Variants in PDCD11 observed in about 807,000 individuals in gnomAD.
The protein encoded by PDCD11 is programmed cell death 11.
PDCD11 carries 97 observed loss-of-function variants against 198.9 expected under a neutral mutation model. That is an observed-to-expected ratio of 0.49 (90% CI 0.41 to 0.58). The LOEUF is 0.58. Ranked by LOEUF, PDCD11 falls within the 20% of genes least tolerant of loss-of-function variation. PDCD11 has a pLI of 0.00. For missense variants in PDCD11, 2,102 were observed against 2,312.7 expected, an observed-to-expected ratio of 0.91 and a Z score of 1.87; for synonymous variants, 893 against 918.0, an observed-to-expected ratio of 0.97 and a Z score of 0.49.
chr10:103,437,727 A>G (rs999035624), intron 25 of PDCD11, among the ~76,000 whole-genome samples: 1 of 151,938 alleles, frequency 6.6e-6, no homozygotes, highest in African/African-American at 2.4e-5. Flanking sequence ...TGACCTTGTG[A>G]TCCGCCTACC....
intron 2 of PDCD11, 24 bp downstream of exon 2, chr10:103,398,552 A>G: frequency 6.9e-7 from 1 of 1,446,044 alleles, no homozygotes; most frequent in Non-Finnish European, 9.7e-7. Flanking sequence ...TTGTTTGGTG[A>G]CACTCACTGG....
At chr10:103,437,135 C>T (rs2032184487) in intron 25 of PDCD11, among the ~76,000 whole-genome samples, 1 of 152,114 alleles carries the variant, frequency 6.6e-6, no homozygotes, top group Admixed American at 6.5e-5. Flanking sequence ...TTTTCTTCTT[C>T]CCTCTCTCCC....
intron 34 of PDCD11, 111 bp downstream of exon 34, chr10:103,444,179 T>TGA: frequency 1.2e-6 from 1 of 863,250 alleles, no homozygotes; most frequent in Non-Finnish European, 1.8e-6. Context: ...AGGGCTTTCC[T>TGA]CTTGCTGCCT....
At chr10:103,403,732 G>A (rs2030262903) in intron 4 of PDCD11, among the ~76,000 whole-genome samples, 1 of 152,090 alleles carries the variant, frequency 6.6e-6, no homozygotes. Flanking sequence ...GATTGAAGAG[G>A]CATGAGAAGT....
chr10:103,407,493 G>T (rs973226231), intron 7 of PDCD11, among the ~76,000 whole-genome samples: 8 of 152,062 alleles, frequency 5.3e-5, no homozygotes, highest in Admixed American at 4.6e-4. Flanking sequence ...AACCCAGGAG[G>T]TGGAGCTTGC....
chr10:103,402,488 G>T (rs1033279006), intron 3 of PDCD11, among the ~76,000 whole-genome samples: 9 of 151,970 alleles, frequency 5.9e-5, no homozygotes, highest in African/African-American at 2.2e-4. Flanking sequence ...GCCCAGGCTG[G>T]AGTGCAGTGG....
chr10:103,441,464 G>A (rs899561764), intron 30 of PDCD11, among the ~76,000 whole-genome samples: 9 of 151,984 alleles, frequency 5.9e-5, no homozygotes, highest in African/African-American at 1.7e-4. Flanking sequence ...CATGTTGGCC[G>A]GGCTGGTCTC....
intron 17 of PDCD11, 101 bp downstream of exon 17, chr10:103,421,668 GA>G (rs1248473350): frequency 7.6e-5 from 78 of 1,027,488 alleles, no homozygotes; most frequent in Non-Finnish European, 9.8e-5. Flanking sequence ...CAGAACATAA[GA>G]AAAAAAAATT....
Position 103,441,860 on chromosome 10 carries a change from TGCA to T in PDCD11, c.4595_4597del (p.Gln1532del). On this transcript the variant is annotated inframe_deletion, in exon 31 of 36. Transcript: ENST00000369797. ...ACCAAGCCAGCAGAAGCGCCCCGGCTGCAGCTGTCTTCAGGCTTCGCTTGGAAT... is the reference window on the plus strand; with the variant it reads ...ACCAAGCCAGCAGAAGCGCCCCGGCTGCTGTCTTCAGGCTTCGCTTGGAAT... 1 of 1,614,202 alleles carries T rather than the reference TGCA, an allele frequency of 6.2e-7. No individual in the cohort carries two copies. Among genetic ancestry groups the T allele is most frequent in the South Asian group, 1.1e-5 (1 of 91,084 alleles).
At chr10:103,423,695 C>G in intron 19 of PDCD11, 37 bp downstream of exon 19, 1 of 1,343,064 alleles carries the variant, frequency 7.4e-7, no homozygotes, top group Non-Finnish European at 1.1e-6. Flanking sequence ...CATGGTTTCA[C>G]ATGATGTACC....
At position 103,425,540 on chromosome 10, in the gene PDCD11, GGGGT is replaced by G. The variant is rs1414156296; in HGVS notation, c.3305+19_3305+22del. Reference sequence around the variant, plus strand: ...AAGACATTCAAGTATGGAGGCTCTGGGGGTGGGCTGGCTTCGAGGGAGATTGTTG... The same window carrying G: ...AAGACATTCAAGTATGGAGGCTCTGGGGGCTGGCTTCGAGGGAGATTGTTG... On this transcript the variant is annotated intron_variant, in intron 20 of 35. Coordinates refer to ENST00000369797, the MANE Select transcript of PDCD11 (RefSeq NM_014976.2). 6.3e-7 allele frequency: 1 copy of G among 1,591,678 alleles called. No individual in the cohort carries two copies. Among genetic ancestry groups the G allele is most frequent in the African/African-American group, 1.3e-5 (1 of 74,528 alleles).
chr10:103,433,335 A>T (rs980936684), intron 22 of PDCD11, among the ~76,000 whole-genome samples: 1 of 152,098 alleles, frequency 6.6e-6, no homozygotes, highest in African/African-American at 2.4e-5. Context: ...TCTCTACTAA[A>T]AATACAAAAA....
Position 103,441,851 on chromosome 10 carries a change from C to T in PDCD11, c.4583C>T (p.Ala1528Val), listed in dbSNP as rs775950426. The change falls in exon 31 of 36, where the codon GCG becomes GTG. Residue 1528 changes from alanine to valine, a missense_variant. Transcript: ENST00000369797. ...GAGAAGCAAACCAAGCCAGCAGAAG[C>T]GCCCCGGCTGCAGCTGTCTTCAGGC... Reference protein sequence around the residue: ...PKEKQTKPAEAPRLQLSSGFA... With the variant: ...PKEKQTKPAEVPRLQLSSGFA... 56 of 1,614,014 alleles carry T rather than the reference C, an allele frequency of 3.5e-5. No homozygotes were observed. The highest frequency in any genetic ancestry group is 2.7e-4 in the Admixed American group (16 of 60,006).
chr10:103,426,532 G>A (rs994058378), intron 20 of PDCD11, among the ~76,000 whole-genome samples: 3 of 152,036 alleles, frequency 2.0e-5, no homozygotes, highest in South Asian at 2.1e-4. Flanking sequence ...GGTGGCTCAC[G>A]CCTGTAATTC....
At chr10:103,422,923 AG>A (rs1364589374) in intron 17 of PDCD11, 64 bp from the exon 18 acceptor site, 1 of 1,350,486 alleles carries the variant, frequency 7.4e-7, no homozygotes, top group African/African-American at 1.5e-5. Flanking sequence ...GCACACTGCC[AG>A]AGGAAAAGAA....
chr10:103,443,137 G>A (rs1021991625), intron 32 of PDCD11, 28 bp from the exon 33 acceptor site: 13 of 1,541,296 alleles, frequency 8.4e-6, no homozygotes, highest in Admixed American at 1.9e-5. Flanking sequence ...TTCATGTGGC[G>A]CTCATGTGCT....
rs181216166 is a variant in PDCD11 at position 103,440,589 on chromosome 10, C to T, written c.4440+8C>T. 612 of 1,609,334 alleles carry T rather than the reference C, an allele frequency of 3.8e-4. 2 individuals carry two copies. In the African/African-American group the frequency reaches 7.4e-3, roughly 19 times the overall value. ...GAGTCTGGGAGTGAGCAGGTGAGGT[C>T]CTGCGGAGGGCTGTGGCTGCCTATC... On this transcript the variant is annotated splice_region_variant and intron_variant, in intron 29 of 35. Transcript: ENST00000369797.
At chr10:103,434,461 G>T (rs954902351) in intron 24 of PDCD11, 111 bp downstream of exon 24, 1 of 736,322 alleles carries the variant, frequency 1.4e-6, no homozygotes, top group Non-Finnish European at 2.3e-6. Flanking sequence ...GGAATCCTCA[G>T]AAAGCCTGGT....
rs1218344786 is a variant in PDCD11 at position 103,443,296 on chromosome 10, A to C, written c.5087A>C (p.His1696Pro). The C allele has an allele frequency of 2.5e-6, 4 of 1,611,936 alleles. No individual in the cohort carries two copies. The Admixed American group carries it at 6.7e-5, about 27-fold the overall frequency. Residue 1696 changes from histidine to proline, a missense_variant, in exon 33 of 36, where the codon CAC becomes CCC. Coordinates refer to ENST00000369797, the MANE Select transcript of PDCD11 (RefSeq NM_014976.2). ...AACGAGCCTCTCAAAGTCTTTCTCC[A>C]CCTGGCTGACATCTACGCCAAGTCA... ...QYNEPLKVFL[H>P]LADIYAKSEK...
Sources: gnomAD v4.1 joint callset for allele counts (sites outside exome capture counted in the v4.1 genomes callset) on GRCh38, gnomAD v4.1.1 for gene constraint, MANE v1.5 for transcripts, NCBI Gene and HGNC (gene_info 2026-07-23, HGNC 2026-07-21) for gene names.